The following FAM193A variants were observed in gnomAD, a reference collection of about 807,000 sequenced individuals.
FAM193A encodes protein FAM193A.
A neutral mutation model predicts 126.5 loss-of-function variants in FAM193A; 22 were observed. The observed-to-expected ratio is 0.17, with a 90% confidence interval of 0.12 to 0.25. The LOEUF (loss-of-function observed/expected upper bound fraction) is 0.25, where lower values mean the gene tolerates loss of function less well. Among genes scored for constraint, FAM193A ranks in the 10% least tolerant of loss-of-function variants. The pLI, the probability that FAM193A is intolerant of heterozygous loss-of-function variation, is 1.00. For missense variants in FAM193A, 1,675 were observed against 1,672.8 expected (o/e 1.00, Z -0.02); for synonymous variants, 761 against 646.8 (o/e 1.18, Z -2.68).
At chr4:2,649,282 G>A (rs1027097755) in intron 7 of FAM193A, among the ~76,000 whole-genome samples, 1 of 151,740 alleles carries the variant, frequency 6.6e-6, no homozygotes, top group Non-Finnish European at 1.5e-5. Flanking sequence ...AGTGAGTGGG[G>A]GAGGATCACT....
chr4:2,557,485 C>A (rs1477700204), intron 1 of FAM193A, among the ~76,000 whole-genome samples: 2 of 152,190 alleles, frequency 1.3e-5, no homozygotes, highest in African/African-American at 4.8e-5. Context: ...GTTCCAGGAT[C>A]TAATCCAGTA....
At chr4:2,611,233 C>A (rs1275969919) in intron 2 of FAM193A, among the ~76,000 whole-genome samples, 2 of 151,850 alleles carry the variant, frequency 1.3e-5, no homozygotes, top group Non-Finnish European at 2.9e-5. Context: ...GTAGTGTTAT[C>A]CTTCATTATG....
chr4:2,562,562 A>G (rs1738684975), intron 1 of FAM193A, among the ~76,000 whole-genome samples: 1 of 152,096 alleles, frequency 6.6e-6, no homozygotes, highest in Non-Finnish European at 1.5e-5. Context: ...ATTACTACTT[A>G]TATTTCTAAA....
intron 1 of FAM193A, among the ~76,000 whole-genome samples, chr4:2,562,610 C>A (rs187085552): frequency 6.6e-6 from 1 of 151,998 alleles, no homozygotes; most frequent in South Asian, 2.1e-4. Context: ...ACCCACCCCC[C>A]AACTTGATCT....
intron 13 of FAM193A, among the ~76,000 whole-genome samples, chr4:2,680,831 G>C (rs185760544): frequency 2.6e-5 from 4 of 150,964 alleles, no homozygotes; most frequent in African/African-American, 9.8e-5. Flanking sequence ...TGGTAGAGAT[G>C]GGGTTTCACC....
intron 1 of FAM193A, among the ~76,000 whole-genome samples, chr4:2,542,801 T>A (rs1448322043): frequency 6.6e-6 from 1 of 152,156 alleles, no homozygotes; most frequent in Non-Finnish European, 1.5e-5. Context: ...AAGGACTGTC[T>A]TGATTTTCAG....
intron 1 of FAM193A, among the ~76,000 whole-genome samples, chr4:2,555,807 CG>C (rs1560439898): frequency 6.6e-6 from 1 of 151,836 alleles, no homozygotes; most frequent in East Asian, 1.9e-4. Context: ...TTAGTAGAGA[CG>C]GGGTTTCACC....
rs147147355 is a variant in FAM193A at position 2,693,590 on chromosome 4, C to T, written c.2808C>T (p.Asp936=). The T allele has an allele frequency of 1.9e-5, 31 of 1,608,530 alleles. No homozygotes were observed. The African/African-American group carries it at 2.8e-4, about 15-fold the overall frequency. ...VSSKRPPSVG[D]VFHGISKEDH... ...CTCTCGCCTCTCTAAATGCAGGTGA[C>T]GTGTTTCATGGCATCAGCAAGGAGG... is the stretch of plus-strand genomic sequence containing the variant. The change falls in exon 16 of 21, where the codon GAC becomes GAT. Residue 936 remains aspartate, a synonymous_variant. Transcript: ENST00000637812.
At chr4:2,557,941 G>C (rs1332399727) in intron 1 of FAM193A, among the ~76,000 whole-genome samples, 1 of 150,668 alleles carries the variant, frequency 6.6e-6, no homozygotes, top group Non-Finnish European at 1.5e-5. Flanking sequence ...GACAGAGTGA[G>C]ACTCCGTCTC....
chr4:2,607,689 C>T (rs1258658618), intron 2 of FAM193A, among the ~76,000 whole-genome samples: 1 of 152,184 alleles, frequency 6.6e-6, no homozygotes, highest in Non-Finnish European at 1.5e-5. Flanking sequence ...ATGATATGTT[C>T]AGGTTGGCAA....
chr4:2,731,430 C>T (rs1350822530), intron 20 of FAM193A, among the ~76,000 whole-genome samples: 2 of 151,956 alleles, frequency 1.3e-5, no homozygotes, highest in Admixed American at 1.3e-4. Flanking sequence ...AAGTGATTTG[C>T]CCTCCTCAGC....
chr4:2,544,499 G>C (rs560207622), intron 1 of FAM193A, among the ~76,000 whole-genome samples: 1 of 152,208 alleles, frequency 6.6e-6, no homozygotes, highest in African/African-American at 2.4e-5. Flanking sequence ...TCAGGAGTTT[G>C]AGCCCAGCCT....
intron 1 of FAM193A, among the ~76,000 whole-genome samples, chr4:2,556,217 TG>T (rs1738250930): frequency 6.8e-6 from 1 of 147,636 alleles, no homozygotes; most frequent in South Asian, 2.1e-4. Flanking sequence ...GTCCTTTTTT[TG>T]TTGTTGTTGA....
At chr4:2,662,156 C>T (rs1344685150) in intron 10 of FAM193A, among the ~76,000 whole-genome samples, 1 of 152,006 alleles carries the variant, frequency 6.6e-6, no homozygotes, top group Non-Finnish European at 1.5e-5. Context: ...GTACTCCAGC[C>T]TGGGAGACAG....
chr4:2,558,173 G>A (rs2108834198), intron 1 of FAM193A, among the ~76,000 whole-genome samples: 1 of 151,896 alleles, frequency 6.6e-6, no homozygotes, highest in East Asian at 1.9e-4. Flanking sequence ...TGGGAAGGCT[G>A]AAGCAGGAGA....
intron 1 of FAM193A, among the ~76,000 whole-genome samples, chr4:2,581,291 T>C (rs974552998): frequency 3.3e-5 from 5 of 150,012 alleles, no homozygotes; most frequent in Non-Finnish European, 7.4e-5. Flanking sequence ...TCTCACTCTG[T>C]AACCCAGGCT....
intron 19 of FAM193A, among the ~76,000 whole-genome samples, chr4:2,704,980 C>G (rs7677416): frequency 6.6e-6 from 1 of 152,194 alleles, no homozygotes; most frequent in Non-Finnish European, 1.5e-5. Context: ...GGCGCGATCT[C>G]GGCTCACTGC....
At chr4:2,595,054 CTTTT>C (rs965402007) in intron 1 of FAM193A, among the ~76,000 whole-genome samples, 1 of 143,604 alleles carries the variant, frequency 7.0e-6, no homozygotes, top group African/African-American at 2.5e-5. Context: ...ATTTTTCTTT[CTTTT>C]TTTTTTTTGA....
At chr4:2,579,153 A>G (rs1475985567) in intron 1 of FAM193A, among the ~76,000 whole-genome samples, 2 of 151,884 alleles carry the variant, frequency 1.3e-5, no homozygotes, top group East Asian at 3.9e-4. Context: ...AATCACCACT[A>G]CGCCTGGCCA....
Sources: allele counts gnomAD v4.1 joint callset (sites outside exome capture counted in the v4.1 genomes callset), GRCh38; gene constraint gnomAD v4.1.1; transcripts MANE v1.5; gene names NCBI Gene and HGNC (gene_info 2026-07-23, HGNC 2026-07-21).